SIGLEC8: variants seen among roughly 807,000 people sequenced by gnomAD.
SIGLEC8 encodes sialic acid-binding Ig-like lectin 8.
SIGLEC8 carries 32 observed loss-of-function variants against 42.1 expected under a neutral mutation model. The observed-to-expected ratio is 0.76, with a 90% CI of 0.57 to 1.02. The LOEUF is 1.02. Ranked by LOEUF, SIGLEC8 falls within the 50% of genes least tolerant of loss-of-function variation. SIGLEC8 has a pLI of 0.00. For synonymous variants in SIGLEC8, 262 were observed against 260.3 expected, an observed-to-expected ratio of 1.01 and a Z score of -0.06; for missense variants, 611 against 610.2, an observed-to-expected ratio of 1.00 and a Z score of -0.01.
Position 51,457,637 on chromosome 19 carries a change from G to A in SIGLEC8, c.557C>T (p.Pro186Leu), listed in dbSNP as rs1217268180. 6.2e-7 allele frequency: 1 copy of A among 1,611,824 alleles called. No individual in the cohort carries two copies. Among genetic ancestry groups the A allele is most frequent in the Non-Finnish European group, 8.5e-7 (1 of 1,178,812 alleles). Residue 186 changes from proline to leucine, a missense_variant, in exon 2 of 7, where the codon CCC (proline) becomes CTC (leucine). By Grantham distance (98) the Pro-to-Leu change is moderately conservative. Transcript: ENST00000321424. ...SVPWACKQGT[P>L]PMISWIGASV... ...GGCCCCAATCCAGGAGATCATGGGG[G>A]GTGTCCCCTGCTTACAGGCCCAGGG...
rs779791090 is a variant in SIGLEC8 at position 51,458,280 on chromosome 19, C to T, written c.108G>A (p.Thr36=). The change falls in exon 1 of 7, where the codon ACG becomes ACA. Residue 36 remains threonine, a synonymous_variant. Coordinates refer to ENST00000321424, the MANE Select transcript of SIGLEC8 (RefSeq NM_014442.3). ...GYLLQVQELV[T]VQEGLCVHVP... The stretch of plus-strand genomic sequence containing the variant: ...CATGGACACACAGGCCCTCCTGCAC[C>T]GTCACCAGCTCCTGCACTTGCAGCA... The T allele has an allele frequency of 8.7e-6, 14 of 1,614,094 alleles. No individual in the cohort carries two copies. Among genetic ancestry groups the T allele is most frequent in the South Asian group, 6.6e-5 (6 of 91,080 alleles).
chr19:51,454,726 G>A lies in SIGLEC8; in HGVS notation c.1106C>T (p.Ala369Val), dbSNP rs200304721. Residue 369 changes from alanine to valine, a missense_variant, in exon 5 of 7, where the codon GCC (alanine) becomes GTC (valine). By Grantham distance (64) the Ala-to-Val change is moderately conservative. Coordinates refer to ENST00000321424, the MANE Select transcript of SIGLEC8 (RefSeq NM_014442.3). The surrounding 1 kb of genome is among the most constrained non-coding windows in gnomAD (Gnocchi z 4.7). The part of the protein sequence containing the change: ...VTLAAVGGAG[A>V]TALAFLSFCI... The stretch of plus-strand genomic sequence containing the variant: ...GAAGGACAGGAAGGCCAGGGCTGTG[G>A]CTCCAGCTCCCCCGACTGCTGCCAG... The A allele has an allele frequency of 3.3e-5, 54 of 1,613,866 alleles. No individual in the cohort carries two copies. Among genetic ancestry groups the A allele is most frequent in the Non-Finnish European group, 4.3e-5 (51 of 1,179,982 alleles).
Position 51,455,475 on chromosome 19 carries a change from T to A in SIGLEC8, c.994A>T (p.Asn332Tyr). The change falls in exon 4 of 7, where the codon AAC becomes TAC. Residue 332 changes from asparagine (N) to tyrosine (Y), a missense_variant. By Grantham distance (143) the Asn-to-Tyr change is moderately radical. Transcript: ENST00000321424. ...DEGEFTCRAQNAQGSQHISLS... is the reference protein window; with the variant it reads ...DEGEFTCRAQYAQGSQHISLS... ...GAAATGTGCTGGGAGCCCTGAGCGTTCTGAGCTCGGCAGGTGAATTCCCCT... is the reference window on the plus strand; with the variant it reads ...GAAATGTGCTGGGAGCCCTGAGCGTACTGAGCTCGGCAGGTGAATTCCCCT... 6.2e-7 allele frequency: 1 copy of A among 1,614,104 alleles called. No individual in the cohort carries two copies. The highest frequency in any genetic ancestry group is 8.5e-7 in the Non-Finnish European group (1 of 1,179,988).
Position 51,454,906 on chromosome 19 carries a change from T to G in SIGLEC8, c.1052-126A>C. On this transcript the variant is annotated intron_variant, in intron 4 of 6. Coordinates refer to ENST00000321424, the MANE Select transcript of SIGLEC8 (RefSeq NM_014442.3). This position sits in a 1 kb window ranked among gnomAD's most constrained non-coding sequence, Gnocchi z 4.7. ...CTCCTTCCCAGACACAGAATACGAA[T>G]GGGAGGGAGGAAAGGAGACTACTTC... is the stretch of plus-strand genomic sequence containing the variant. 7.4e-6 allele frequency: 5 copies of G among 679,486 alleles called. No individual in the cohort carries two copies. The highest frequency in any genetic ancestry group is 1.3e-5 in the Non-Finnish European group (5 of 380,570). 42.1% of individuals were successfully genotyped at this position (679,486 alleles called of 1,614,324 possible).
At position 51,454,498 on chromosome 19, in the gene SIGLEC8, G is replaced by A. The variant is rs924457433; in HGVS notation, c.1149-183C>T. 1.3e-5 allele frequency among the ~76,000 whole-genome samples: 2 copies of A among 152,174 alleles called. No homozygotes were observed. The highest frequency in any genetic ancestry group is 2.9e-5 in the Non-Finnish European group (2 of 68,018). ...TCCTGCCTCATGGATGGTGGGGCCC[G>A]AGGTTGCTACAGATGTGGAGCCCCA... On this transcript the variant is annotated intron_variant, in intron 5 of 6. Transcript: ENST00000321424. This position sits in a 1 kb window ranked among gnomAD's most constrained non-coding sequence, Gnocchi z 4.7.
In SIGLEC8 at chr19:51,458,263, C is replaced by T; in HGVS notation, c.125G>A (p.Cys42Tyr). 6.2e-7 allele frequency: 1 copy of T among 1,614,140 alleles called. No individual in the cohort carries two copies. The highest frequency in any genetic ancestry group is 1.1e-5 in the South Asian group (1 of 91,078). Reference protein sequence around the residue: ...QELVTVQEGLCVHVPCSFSYP... With the variant: ...QELVTVQEGLYVHVPCSFSYP... ...GGAGAAGGAGCAGGGCACATGGACA[C>T]ACAGGCCCTCCTGCACCGTCACCAG... The change falls in exon 1 of 7, where the codon TGT becomes TAT. Residue 42 changes from cysteine (C) to tyrosine (Y), a missense_variant. Transcript: ENST00000321424.
chr19:51,458,408 G>T lies in SIGLEC8; in HGVS notation c.-21C>A, dbSNP rs1989552823. ...AGCATGTCTGGGTTTGAAGGCGCCAGGGCCGCCAGGGAACGTCTGTTCCTC... is the reference window on the plus strand; with the variant it reads ...AGCATGTCTGGGTTTGAAGGCGCCATGGCCGCCAGGGAACGTCTGTTCCTC... On this transcript the variant is annotated 5_prime_UTR_variant, in exon 1 of 7. The change creates a new upstream start codon in the 5' untranslated region. Coordinates refer to ENST00000321424, the MANE Select transcript of SIGLEC8 (RefSeq NM_014442.3). The T allele has an allele frequency of 6.2e-7, 1 of 1,603,710 alleles. No individual in the cohort carries two copies. The highest frequency in any genetic ancestry group is 1.1e-5 in the South Asian group (1 of 89,168).
rs1211518154 is a variant in SIGLEC8, at chr19:51,451,165, T to A, written c.*1214A>T. The stretch of plus-strand genomic sequence containing the variant: ...CTTACAAAACCATCAGATCTCGTGA[T>A]AACTCACTCACTATCAGAACAGCAT... On this transcript the variant is annotated 3_prime_UTR_variant, in exon 7 of 7. Transcript: ENST00000321424. 1 of 151,992 alleles carries A rather than the reference T, an allele frequency of 6.6e-6. No individual in the cohort carries two copies. Among genetic ancestry groups the A allele is most frequent in the Non-Finnish European group, 1.5e-5 (1 of 68,006 alleles). 9.4% of individuals were successfully genotyped at this position (151,992 alleles called of 1,614,324 possible).
In SIGLEC8 at chr19:51,458,299, T is replaced by A; in HGVS notation, c.89A>T (p.Gln30Leu). ...CTGCACCGTCACCAGCTCCTGCACT[T>A]GCAGCAAGTAACCATCCCCATATTG... ...DRQYGDGYLL[Q>L]VQELVTVQEG... The change falls in exon 1 of 7, where the codon CAA becomes CTA. Residue 30 changes from glutamine to leucine, a missense_variant. Gln to Leu is a moderately radical substitution (Grantham distance 113). Coordinates refer to ENST00000321424, the MANE Select transcript of SIGLEC8 (RefSeq NM_014442.3). The A allele has an allele frequency of 6.2e-7, 1 of 1,614,098 alleles. No individual in the cohort carries two copies. The highest frequency in any genetic ancestry group is 8.5e-7 in the Non-Finnish European group (1 of 1,179,982).
At chr19:51,456,469 C>T (rs773224052) in intron 3 of SIGLEC8, among the ~76,000 whole-genome samples, 1 of 152,208 alleles carries the variant, frequency 6.6e-6, no homozygotes, top group Non-Finnish European at 1.5e-5. Flanking sequence ...TTATCCCATA[C>T]ACTTAGATAT....
chr19:51,457,235 G>C lies in SIGLEC8; in HGVS notation c.734-4C>G, dbSNP rs1301568239. 1 of 1,612,954 alleles carries C rather than the reference G, an allele frequency of 6.2e-7. No homozygotes were observed. Among genetic ancestry groups the C allele is most frequent in the Non-Finnish European group, 8.5e-7 (1 of 1,179,376 alleles). On this transcript the variant is annotated splice_region_variant and splice_polypyrimidine_tract_variant and intron_variant, in intron 2 of 6. Coordinates refer to ENST00000321424, the MANE Select transcript of SIGLEC8 (RefSeq NM_014442.3). Reference sequence around the variant, plus strand: ...ATGGTCAAGTTCCAAGGAGGGTCTGGGACAGAAAGACATGAAGACCCACAT... The same window carrying C: ...ATGGTCAAGTTCCAAGGAGGGTCTGCGACAGAAAGACATGAAGACCCACAT...
In SIGLEC8 at chr19:51,454,116, CG is replaced by C. The variant is rs895865029; in HGVS notation, c.1245+102del. On this transcript the variant is annotated intron_variant, in intron 6 of 6. Coordinates refer to ENST00000321424, the MANE Select transcript of SIGLEC8 (RefSeq NM_014442.3). This position sits in a 1 kb window ranked among gnomAD's most constrained non-coding sequence, Gnocchi z 4.7. ...CCGGCCTGTGGGAAGGAGGAGGAGA[CG>C]AGGAAGTGACTTTGGCCATACCAAA... 1 of 1,551,038 alleles carries C rather than the reference CG, an allele frequency of 6.4e-7. No homozygotes were observed. Among genetic ancestry groups the C allele is most frequent in the Non-Finnish European group, 8.7e-7 (1 of 1,148,870 alleles).
intron 3 of SIGLEC8, among the ~76,000 whole-genome samples, chr19:51,456,430 C>T (rs554165235): frequency 3.0e-4 from 45 of 152,144 alleles, no homozygotes; most frequent in Admixed American, 7.2e-4. Flanking sequence ...AAACAACATA[C>T]GACACTGGTA....
chr19:51,455,320 A>C, intron 4 of SIGLEC8, 98 bp downstream of exon 4: 2 of 1,472,562 alleles, frequency 1.4e-6, no homozygotes, highest in Non-Finnish European at 1.8e-6. Context: ...AGCTGAGCAC[A>C]GACCAGAGCT....
rs1414536714 is a variant in SIGLEC8 at position 51,457,940 on chromosome 19, C to T, written c.448G>A (p.Val150Met). ...GCTGGAGCCCGTGCCTTACCTGTCACAAACACAGACAGCTGCTTAGTTTTG... is the reference window on the plus strand; with the variant it reads ...GCTGGAGCCCGTGCCTTACCTGTCATAAACACAGACAGCTGCTTAGTTTTG... ...NYKTKQLSVFVTALTHRPDIL... is the reference protein window; with the variant it reads ...NYKTKQLSVFMTALTHRPDIL... The change falls in exon 1 of 7, where the codon GTG (valine) becomes ATG (methionine). Residue 150 changes from valine to methionine, a missense_variant. Transcript: ENST00000321424. The T allele has an allele frequency of 6.2e-7, 1 of 1,614,028 alleles. No individual in the cohort carries two copies. Among genetic ancestry groups the T allele is most frequent in the South Asian group, 1.1e-5 (1 of 91,070 alleles).
Position 51,458,281 on chromosome 19 carries a change from G to A in SIGLEC8, c.107C>T (p.Thr36Met), listed in dbSNP as rs751514321. ...GYLLQVQELV[T>M]VQEGLCVHVP... ...ATGGACACACAGGCCCTCCTGCACCGTCACCAGCTCCTGCACTTGCAGCAA... is the reference window on the plus strand; with the variant it reads ...ATGGACACACAGGCCCTCCTGCACCATCACCAGCTCCTGCACTTGCAGCAA... Residue 36 changes from threonine to methionine, a missense_variant, in exon 1 of 7, where the codon ACG (threonine) becomes ATG (methionine). Transcript: ENST00000321424. The A allele has an allele frequency of 3.0e-5, 48 of 1,613,944 alleles. No homozygotes were observed. The highest frequency in any genetic ancestry group is 6.7e-5 in the Admixed American group (4 of 59,990).
At position 51,455,587 on chromosome 19, in the gene SIGLEC8, G is replaced by A; in HGVS notation, c.882C>T (p.Ser294=). Residue 294 remains serine, a synonymous_variant, in exon 4 of 7, where the codon AGC becomes AGT. Transcript: ENST00000321424. ...ACAGGGTCAGGCTCCCCCGGGTCCAGCTCAGCCTGGCAGGGGGATTGCTGT... is the reference window on the plus strand; with the variant it reads ...ACAGGGTCAGGCTCCCCCGGGTCCAACTCAGCCTGGCAGGGGGATTGCTGT... The part of the protein sequence containing the change: ...AVNSNPPARL[S]WTRGSLTLCP... 2.5e-6 allele frequency: 4 copies of A among 1,614,176 alleles called. 1 individual carries two copies. In the South Asian group the frequency reaches 3.3e-5, roughly 13 times the overall value.
At position 51,458,160 on chromosome 19, in the gene SIGLEC8, G is replaced by A. The variant is rs148869101; in HGVS notation, c.228C>T (p.Asp76=). The A allele has an allele frequency of 5.3e-5, 85 of 1,614,012 alleles. No individual in the cohort carries two copies. The East Asian group carries it at 7.1e-4, about 14-fold the overall frequency. ...WFRAGDRPYQ[D]APVATNNPDR... The stretch of plus-strand genomic sequence containing the variant: ...CTGGGTTGTTTGTGGCCACTGGAGC[G>A]TCTTGGTATGGTCTGTCTCCTGCCC... Residue 76 remains aspartate, a synonymous_variant, in exon 1 of 7, where the codon GAC becomes GAT. Coordinates refer to ENST00000321424, the MANE Select transcript of SIGLEC8 (RefSeq NM_014442.3).
chr19:51,454,820 G>C lies in SIGLEC8; in HGVS notation c.1052-40C>G, dbSNP rs749371436. The C allele has an allele frequency of 2.0e-6, 3 of 1,465,720 alleles. No individual in the cohort carries two copies. The highest frequency in any genetic ancestry group is 2.9e-6 in the Non-Finnish European group (3 of 1,045,260). 90.8% of individuals were successfully genotyped at this position (1,465,720 alleles called of 1,614,324 possible). On this transcript the variant is annotated intron_variant, in intron 4 of 6. Coordinates refer to ENST00000321424, the MANE Select transcript of SIGLEC8 (RefSeq NM_014442.3). The surrounding 1 kb of genome is among the most constrained non-coding windows in gnomAD (Gnocchi z 4.7). ...GAGTTGCTTTGGGGATTTATATCAC[G>C]GAGAAGTGGGTCTCTTCCCCTCCCA...
Sources: gnomAD v4.1 joint callset for allele counts (sites outside exome capture counted in the v4.1 genomes callset) on GRCh38, gnomAD v4.1.1 for gene constraint, Gnocchi (gnomAD v3.1) non-coding constraint, MANE v1.5 for transcripts, NCBI Gene and HGNC (gene_info 2026-07-23, HGNC 2026-07-21) for gene names.